CHCHD3: variants seen among roughly 807,000 people sequenced by gnomAD.
CHCHD3 encodes coiled-coil-helix-coiled-coil-helix domain containing 3, also known as MICOS complex subunit MIC19.
A neutral mutation model predicts 38.2 loss-of-function variants in CHCHD3; 20 were observed. The observed-to-expected ratio is 0.52, with a 90% CI of 0.37 to 0.76. The LOEUF (loss-of-function observed/expected upper bound fraction) is 0.76, where lower values mean the gene tolerates loss of function less well. Among genes scored for constraint, CHCHD3 ranks in the 30% least tolerant of loss-of-function variants. The pLI, the probability that CHCHD3 is intolerant of heterozygous loss-of-function variation, is 0.00. For synonymous variants in CHCHD3, 82 were observed against 100.0 expected (o/e 0.82, Z 1.07); for missense variants, 245 against 279.2 (o/e 0.88, Z 0.87).
chr7:132,922,977 C>G (rs941001682), intron 4 of CHCHD3, among the ~76,000 whole-genome samples: 2 of 152,118 alleles, frequency 1.3e-5, no homozygotes, highest in Non-Finnish European at 2.9e-5. Context: ...TGTGAAAAAC[C>G]TACTCATTCC....
At chr7:133,050,458 C>G (rs77308294) in intron 2 of CHCHD3, among the ~76,000 whole-genome samples, 1,617 of 150,146 alleles carry the variant, frequency 0.011, 25 homozygotes, top group African/African-American at 0.037. Flanking sequence ...ACATTACTAC[C>G]ACTCTTAATG....
chr7:132,806,053 C>T (rs1343366709), intron 6 of CHCHD3, among the ~76,000 whole-genome samples: 5 of 152,062 alleles, frequency 3.3e-5, no homozygotes, highest in Non-Finnish European at 5.9e-5. Flanking sequence ...GCAGAAAGGA[C>T]AGCAGAAGCT....
chr7:133,047,330 A>G (rs560333629), intron 2 of CHCHD3, among the ~76,000 whole-genome samples: 42 of 152,352 alleles, frequency 2.8e-4, no homozygotes, highest in Non-Finnish European at 5.3e-4. Context: ...CAAAAAGCCA[A>G]AATGACAACC....
intron 7 of CHCHD3, among the ~76,000 whole-genome samples, chr7:132,786,248 G>A (rs542792886): frequency 4.6e-5 from 7 of 152,242 alleles, no homozygotes; most frequent in South Asian, 4.1e-4. Context: ...TGCAGTGACC[G>A]GGGGAAAGCT....
At chr7:132,948,839 T>G (rs1425424925) in intron 4 of CHCHD3, among the ~76,000 whole-genome samples, 1 of 152,150 alleles carries the variant, frequency 6.6e-6, no homozygotes, top group African/African-American at 2.4e-5. Flanking sequence ...ACTTTTCTCT[T>G]AAAAGATTCA....
At chr7:132,929,839 G>A (rs76858995) in intron 4 of CHCHD3, among the ~76,000 whole-genome samples, 2,948 of 152,186 alleles carry the variant, frequency 0.019, 62 homozygotes, top group East Asian at 0.11. Flanking sequence ...GCTGAGAGGC[G>A]TCTTTCCTCA....
chr7:132,962,850 G>A (rs1430658069), intron 4 of CHCHD3, among the ~76,000 whole-genome samples: 3 of 152,012 alleles, frequency 2.0e-5, no homozygotes, highest in Non-Finnish European at 4.4e-5. Context: ...TAATACTACT[G>A]TTTGCAAATT....
At chr7:132,949,839 AG>A (rs372101118) in intron 4 of CHCHD3, among the ~76,000 whole-genome samples, 7 of 152,296 alleles carry the variant, frequency 4.6e-5, no homozygotes, top group African/African-American at 1.7e-4. Context: ...AATATTGGTA[AG>A]GCTACAAAGA....
chr7:132,994,258 T>C (rs765087244), intron 3 of CHCHD3, among the ~76,000 whole-genome samples: 1 of 152,212 alleles, frequency 6.6e-6, no homozygotes, highest in Non-Finnish European at 1.5e-5. Context: ...AAATTTGATA[T>C]AGAGAGACAG....
In CHCHD3 at chr7:133,035,825, G is replaced by A. The variant is rs1444201443; in HGVS notation, c.170-11198C>T. On this transcript the variant is annotated intron_variant, in intron 2 of 7. Coordinates refer to ENST00000262570, the MANE Select transcript of CHCHD3 (RefSeq NM_017812.4). This position sits in a 1 kb window ranked among gnomAD's most constrained non-coding sequence, Gnocchi z 4.7. ...CAAAATGGAAGTGGGGTGGTGCGGA[G>A]AGCACGCGGATCTGAGCCCCGCTGT... 2 of 1,612,986 alleles carry A rather than the reference G, an allele frequency of 1.2e-6. No individual in the cohort carries two copies. The highest frequency in any genetic ancestry group is 1.3e-5 in the African/African-American group (1 of 74,898).
At chr7:132,904,087 T>A (rs1329799355) in intron 4 of CHCHD3, among the ~76,000 whole-genome samples, 1 of 151,840 alleles carries the variant, frequency 6.6e-6, no homozygotes, top group Admixed American at 6.6e-5. Context: ...TGAGACCTCA[T>A]CTCTACAAAA....
intron 6 of CHCHD3, among the ~76,000 whole-genome samples, chr7:132,821,872 C>T (rs940770991): frequency 3.3e-5 from 5 of 149,650 alleles, no homozygotes; most frequent in Non-Finnish European, 5.9e-5. Context: ...ACGCCATTCT[C>T]CTGCCTCAGC....
At chr7:132,879,049 C>A (rs1446770957) in intron 5 of CHCHD3, among the ~76,000 whole-genome samples, 1 of 152,060 alleles carries the variant, frequency 6.6e-6, no homozygotes, top group East Asian at 1.9e-4. Flanking sequence ...ATACACTTAG[C>A]AGATCTTCAA....
intron 5 of CHCHD3, among the ~76,000 whole-genome samples, chr7:132,850,816 G>A (rs1420658725): frequency 6.6e-6 from 1 of 152,144 alleles, no homozygotes; most frequent in African/African-American, 2.4e-5. Flanking sequence ...GAATTACAGT[G>A]CCACTGGATC....
intron 1 of CHCHD3, among the ~76,000 whole-genome samples, chr7:133,073,925 G>A (rs763430213): frequency 5.9e-5 from 9 of 151,812 alleles, no homozygotes; most frequent in South Asian, 2.1e-4. Flanking sequence ...CTTTACACAC[G>A]CCTACATTGC....
At chr7:132,954,179 C>G (rs937874199) in intron 4 of CHCHD3, among the ~76,000 whole-genome samples, 2 of 151,928 alleles carry the variant, frequency 1.3e-5, no homozygotes, top group Admixed American at 1.3e-4. Flanking sequence ...CATGGGGGTC[C>G]GCCTTGCTCT....
intron 6 of CHCHD3, among the ~76,000 whole-genome samples, chr7:132,812,372 G>A (rs1807094968): frequency 6.6e-6 from 1 of 151,742 alleles, no homozygotes; most frequent in Non-Finnish European, 1.5e-5. Flanking sequence ...ACCAAGCCCA[G>A]CTATTTTTGT....
Position 132,992,173 on chromosome 7 carries a change from C to T in CHCHD3, c.252-16887G>A, listed in dbSNP as rs372313780. On this transcript the variant is annotated intron_variant, in intron 3 of 7. Transcript: ENST00000262570. Reference sequence around the variant, plus strand: ...TTGCTTCCTATCGCGTCACTCGGGCCTCACTGCTTCCCAGCAGCAGCAGCA... The same window carrying T: ...TTGCTTCCTATCGCGTCACTCGGGCTTCACTGCTTCCCAGCAGCAGCAGCA... 9.7e-4 allele frequency among the ~76,000 whole-genome samples: 148 copies of T among 152,302 alleles called. 1 individual carries two copies. The South Asian group carries it at 0.013, about 13-fold the overall frequency.
intron 3 of CHCHD3, among the ~76,000 whole-genome samples, chr7:133,004,382 G>A (rs931388771): frequency 1.3e-5 from 2 of 152,200 alleles, no homozygotes; most frequent in African/African-American, 4.8e-5. Context: ...GAGCATACCA[G>A]AGTGGCTTCA....
Sources: gnomAD v4.1 joint callset for allele counts (sites outside exome capture counted in the v4.1 genomes callset) on GRCh38, gnomAD v4.1.1 for gene constraint, Gnocchi (gnomAD v3.1) non-coding constraint, MANE v1.5 for transcripts, NCBI Gene and HGNC (gene_info 2026-07-23, HGNC 2026-07-21) for gene names.